BMP1: variants seen among roughly 807,000 people sequenced by gnomAD.
The protein encoded by BMP1 is bone morphogenetic protein 1, also known as mammalian tolloid protein.
BMP1 carries 63 observed loss-of-function variants against 116.8 expected under a neutral mutation model. The observed-to-expected ratio is 0.54, with a 90% CI of 0.44 to 0.67. BMP1 has a LOEUF of 0.67. BMP1 is among the 30% of genes least tolerant of loss of function. The pLI, the probability that BMP1 is intolerant of heterozygous loss-of-function variation, is 0.00. For missense variants in BMP1, 1,183 were observed against 1,358.9 expected, an observed-to-expected ratio of 0.87 and a Z score of 2.04; for synonymous variants, 536 against 533.4, an observed-to-expected ratio of 1.00 and a Z score of -0.07.
At chr8:22,201,601 C>T (rs1829264740) in intron 15 of BMP1, 4 of 1,376,442 alleles carry the variant, frequency 2.9e-6, no homozygotes, top group African/African-American at 1.5e-5. Context: ...GGGCCCTGCT[C>T]AGCTGGTCCT....
At chr8:22,181,631 C>A (rs894637182) in intron 8 of BMP1, among the ~76,000 whole-genome samples, 1 of 151,822 alleles carries the variant, frequency 6.6e-6, no homozygotes, top group Non-Finnish European at 1.5e-5. Flanking sequence ...CAGCTCACTG[C>A]AACCTCTGCC....
chr8:22,191,118 C>T (rs934185106), intron 8 of BMP1, among the ~76,000 whole-genome samples: 3 of 152,184 alleles, frequency 2.0e-5, no homozygotes, highest in African/African-American at 7.2e-5. Context: ...AGCGAGCGAG[C>T]GTTTCCTGAG....
chr8:22,167,278 T>C (rs1828142597), intron 1 of BMP1, among the ~76,000 whole-genome samples: 1 of 152,152 alleles, frequency 6.6e-6, no homozygotes, highest in African/African-American at 2.4e-5. Context: ...GCTAGGACCC[T>C]GCCTTCAAGG....
Position 22,209,589 on chromosome 8 carries a change from A to G in BMP1, c.2720A>G (p.Gln907Arg). ...GGCTACGGCGTGGAGCTCGTGTTCCAGACCTTTGAGGTGGAGGAGGAGACC... is the reference window on the plus strand; with the variant it reads ...GGCTACGGCGTGGAGCTCGTGTTCCGGACCTTTGAGGTGGAGGAGGAGACC... ...EEGYGVELVF[Q>R]TFEVEEETDC... is the part of the protein sequence containing the mutation. Residue 907 changes from glutamine (Q) to arginine (R), a missense_variant, in exon 19 of 20, where the codon CAG (glutamine) becomes CGG (arginine). Gln to Arg is a conservative substitution (Grantham distance 43). Transcript: ENST00000306385. The G allele has an allele frequency of 1.9e-6, 3 of 1,614,188 alleles. No individual in the cohort carries two copies. Among genetic ancestry groups the G allele is most frequent in the Admixed American group, 3.3e-5 (2 of 60,030 alleles).
rs781190590 is a variant in BMP1 at position 22,194,166 on chromosome 8, T to G, written c.1289T>G (p.Val430Gly). ...SNWVGKGFFA[V>G]YEAICGGDVK... ...TGGGTTGGAAAGGGCTTCTTTGCAG[T>G]CTACGAAGGTACTGAGGAAGGCGGC... is the stretch of plus-strand genomic sequence containing the variant. Residue 430 changes from valine to glycine, a missense_variant, in exon 10 of 20, where the codon GTC becomes GGC. Coordinates refer to ENST00000306385, the MANE Select transcript of BMP1 (RefSeq NM_006129.5). The surrounding 1 kb of genome is among the most constrained non-coding windows in gnomAD (Gnocchi z 4.5). The G allele has an allele frequency of 9.9e-6, 16 of 1,613,844 alleles. No homozygotes were observed. The highest frequency in any genetic ancestry group is 8.3e-5 in the Admixed American group (5 of 60,000).
At chr8:22,204,531 T>C (rs1829317576) in intron 16 of BMP1, among the ~76,000 whole-genome samples, 1 of 152,128 alleles carries the variant, frequency 6.6e-6, no homozygotes, top group African/African-American at 2.4e-5. Flanking sequence ...AAGACCAGCC[T>C]GGGCAACATG....
chr8:22,192,142 C>T lies in BMP1; in HGVS notation c.1171C>T (p.Pro391Ser), dbSNP rs550032501. 2.5e-6 allele frequency: 4 copies of T among 1,613,256 alleles called. No individual in the cohort carries two copies. In the East Asian group the frequency reaches 6.7e-5, roughly 27 times the overall value. ...EVRDGFWRKA[P>S]LRGRFCGSKL... ...CCGAGATGGCTTCTGGAGGAAGGCGCCCCTCCGAGGTAACGGCACCAGCCA... is the reference window on the plus strand; with the variant it reads ...CCGAGATGGCTTCTGGAGGAAGGCGTCCCTCCGAGGTAACGGCACCAGCCA... The change falls in exon 9 of 20, where the codon CCC becomes TCC. Residue 391 changes from proline to serine, a missense_variant. Around this residue, in one of 4 missense-constraint regions of BMP1, gnomAD observed 956 missense variants for 1,135.2 expected, o/e 0.84. Coordinates refer to ENST00000306385, the MANE Select transcript of BMP1 (RefSeq NM_006129.5).
At position 22,194,673 on chromosome 8, in the gene BMP1, T is replaced by TG; in HGVS notation, c.1444-48dup. The TG allele has an allele frequency of 6.3e-7, 1 of 1,594,186 alleles. No individual in the cohort carries two copies. On this transcript the variant is annotated intron_variant, in intron 11 of 19. Transcript: ENST00000306385. This position sits in a 1 kb window ranked among gnomAD's most constrained non-coding sequence, Gnocchi z 4.5. ...CTGCCTCTCTTTGGGCTCCCAGGGG[T>TG]GGGTCTCTGGCAGCCAGAGCCCCTT...
chr8:22,184,701 C>T lies in BMP1; in HGVS notation c.1077+4218C>T, dbSNP rs147370903. On this transcript the variant is annotated intron_variant, in intron 8 of 19. Transcript: ENST00000306385. Reference sequence around the variant, plus strand: ...CTCGCTATTCCCCATAACACTTTTACAACCTAGGTACCATTATCCCTACTG... The same window carrying T: ...CTCGCTATTCCCCATAACACTTTTATAACCTAGGTACCATTATCCCTACTG... 2.3e-4 allele frequency among the ~76,000 whole-genome samples: 35 copies of T among 152,340 alleles called. 1 individual carries two copies. The East Asian group carries it at 6.6e-3, about 29-fold the overall frequency.
At chr8:22,204,819 C>A (rs10098333) in intron 16 of BMP1, among the ~76,000 whole-genome samples, 3,732 of 151,186 alleles carry the variant, frequency 0.025, 168 homozygotes, top group African/African-American at 0.086. Context: ...GGAGACCTGC[C>A]GTGAGAGTGT....
At chr8:22,176,871 C>T (rs1563244060) in intron 4 of BMP1, 90 bp from the exon 5 acceptor site, 3 of 1,193,912 alleles carry the variant, frequency 2.5e-6, no homozygotes, top group Non-Finnish European at 2.3e-6. Flanking sequence ...CGCTCCCCTG[C>T]CGCCCCGCCC....
Position 22,209,466 on chromosome 8 carries a change from C to G in BMP1, c.2597C>G (p.Ala866Gly), listed in dbSNP as rs773221875. Reference sequence around the variant, plus strand: ...ACAGAGTGCGGGGGCCAGGTACGGGCAGACGTGAAGACCAAGGACCTTTAC... The same window carrying G: ...ACAGAGTGCGGGGGCCAGGTACGGGGAGACGTGAAGACCAAGGACCTTTAC... ...HATECGGQVR[A>G]DVKTKDLYSH... Residue 866 changes from alanine (A) to glycine (G), a missense_variant, in exon 19 of 20, where the codon GCA becomes GGA. By Grantham distance (60) the Ala-to-Gly change is moderately conservative (BLOSUM62 0). This residue lies in a region of BMP1 where 956 missense variants were observed against 1,135.2 expected (regional missense o/e 0.84). Coordinates refer to ENST00000306385, the MANE Select transcript of BMP1 (RefSeq NM_006129.5). 2 of 1,614,080 alleles carry G rather than the reference C, an allele frequency of 1.2e-6. No individual in the cohort carries two copies. The highest frequency in any genetic ancestry group is 2.7e-5 in the African/African-American group (2 of 74,946).
intron 13 of BMP1, chr8:22,196,255 G>A (rs766199989): frequency 4.1e-5 from 22 of 532,698 alleles, no homozygotes; most frequent in Non-Finnish European, 6.3e-5. Flanking sequence ...GCATGGTCCC[G>A]AGATGCTGGG....
chr8:22,165,876 T>G (rs1295926032), intron 1 of BMP1, among the ~76,000 whole-genome samples: 1 of 139,512 alleles, frequency 7.2e-6, no homozygotes, highest in Non-Finnish European at 1.5e-5. Context: ...CAAACTCCTG[T>G]GCGTGCGTGT....
chr8:22,207,204 C>A, intron 17 of BMP1, 99 bp from the exon 18 acceptor site: 1 of 1,432,024 alleles, frequency 7.0e-7, no homozygotes, highest in Non-Finnish European at 9.6e-7. Flanking sequence ...TGTGGCTGCT[C>A]CCATGGGTAT....
At chr8:22,207,169 G>A (rs1389493486) in intron 17 of BMP1, 134 bp from the exon 18 acceptor site, 2 of 1,382,652 alleles carry the variant, frequency 1.4e-6, no homozygotes, top group East Asian at 2.3e-5. Flanking sequence ...CTATTCCTGG[G>A]CCCTCCTTCA....
chr8:22,181,662 C>T (rs999153438), intron 8 of BMP1, among the ~76,000 whole-genome samples: 1 of 152,054 alleles, frequency 6.6e-6, no homozygotes, highest in Admixed American at 6.6e-5. Context: ...AAGCGATACT[C>T]CCACCTCAGC....
intron 1 of BMP1, among the ~76,000 whole-genome samples, chr8:22,166,135 G>GTT (rs987096258): frequency 1.4e-4 from 22 of 152,062 alleles, no homozygotes; most frequent in African/African-American, 5.3e-4. Flanking sequence ...GTATCCCGTA[G>GTT]TTTAACCAGT....
chr8:22,180,563 C>A, intron 8 of BMP1, 80 bp downstream of exon 8: 1 of 1,327,162 alleles, frequency 7.5e-7, no homozygotes, highest in South Asian at 1.2e-5. Context: ...CAGTGGGGGT[C>A]AATATGGGTG....
Sources: gnomAD v4.1 joint callset for allele counts (sites outside exome capture counted in the v4.1 genomes callset) on GRCh38, gnomAD v4.1.1 for gene constraint, gnomAD v4.1.1 regional missense constraint, Gnocchi (gnomAD v3.1) non-coding constraint, MANE v1.5 for transcripts, NCBI Gene and HGNC (gene_info 2026-07-23, HGNC 2026-07-21) for gene names.